HIPK2: variants seen among roughly 807,000 people sequenced by gnomAD.
The protein encoded by HIPK2 is homeodomain interacting protein kinase 2.
HIPK2 carries 27 observed loss-of-function variants against 113.7 expected under a neutral mutation model. The observed-to-expected ratio is 0.24, with a 90% CI of 0.17 to 0.33. The LOEUF (loss-of-function observed/expected upper bound fraction) is 0.33, where lower values mean the gene tolerates loss of function less well. Among genes scored for constraint, HIPK2 ranks in the 10% least tolerant of loss-of-function variants. The pLI is 1.00. For missense variants in HIPK2, 1,257 were observed against 1,588.0 expected (o/e 0.79, Z 3.54); for synonymous variants, 631 against 642.2 (o/e 0.98, Z 0.26).
intron 2 of HIPK2, among the ~76,000 whole-genome samples, chr7:139,700,292 A>G (rs1473210575): frequency 6.6e-6 from 1 of 152,128 alleles, no homozygotes; most frequent in South Asian, 2.1e-4. Context: ...ACAGAGTGGG[A>G]CACAGAGGCT....
intron 2 of HIPK2, among the ~76,000 whole-genome samples, chr7:139,674,983 T>A (rs1186473785): frequency 6.6e-6 from 1 of 152,118 alleles, no homozygotes; most frequent in Non-Finnish European, 1.5e-5. Flanking sequence ...GCCTTTGTCA[T>A]CGTAAGGCTA....
intron 2 of HIPK2, among the ~76,000 whole-genome samples, chr7:139,674,347 G>A (rs1470967717): frequency 6.6e-6 from 1 of 152,122 alleles, no homozygotes; most frequent in Non-Finnish European, 1.5e-5. Context: ...CACACATAAA[G>A]CAATAAGAAA....
intron 5 of HIPK2, among the ~76,000 whole-genome samples, chr7:139,628,011 G>A (rs1420085234): frequency 5.3e-5 from 8 of 152,190 alleles, no homozygotes; most frequent in Non-Finnish European, 2.9e-5. Context: ...CTCGATTAGG[G>A]TGGGCCCAGT....
rs182128787 is a variant in HIPK2 at position 139,741,495 on chromosome 7, C to A, written c.20-24480G>T. On this transcript the variant is annotated intron_variant, in intron 1 of 14. Coordinates refer to ENST00000406875, the MANE Select transcript of HIPK2 (RefSeq NM_022740.5). Reference sequence around the variant, plus strand: ...GAAGATATTGTATTTCAAAAGCAAACTGCTACATATTTAATAAAGAAAGCT... The same window carrying A: ...GAAGATATTGTATTTCAAAAGCAAAATGCTACATATTTAATAAAGAAAGCT... 7.9e-5 allele frequency among the ~76,000 whole-genome samples: 12 copies of A among 152,300 alleles called. No individual in the cohort carries two copies. The East Asian group carries it at 1.2e-3, about 15-fold the overall frequency.
chr7:139,569,545 CAT>C lies in HIPK2; in HGVS notation c.*3380_*3381del, dbSNP rs1235989785. On this transcript the variant is annotated 3_prime_UTR_variant, in exon 15 of 15. Transcript: ENST00000406875. ...TCAGTGACTCGACATTCCCCGAGCC[CAT>C]GAGATGCCACCTGACGTCGCATCCC... The C allele has an allele frequency of 2.0e-5, 3 of 152,284 alleles. No individual in the cohort carries two copies. The allele number at this position is 152,284 out of a possible 1,614,324, so 9.4% of individuals were successfully genotyped here.
intron 1 of HIPK2, among the ~76,000 whole-genome samples, chr7:139,776,338 G>C (rs1055749600): frequency 6.6e-6 from 1 of 151,966 alleles, no homozygotes; most frequent in Non-Finnish European, 1.5e-5. Flanking sequence ...TCGTTATCCA[G>C]GGCCTGACTG....
chr7:139,643,381 TACACACACACAC>T (rs61058916), intron 2 of HIPK2, among the ~76,000 whole-genome samples: 70 of 148,330 alleles, frequency 4.7e-4, no homozygotes, highest in African/African-American at 1.6e-3. Flanking sequence ...ATGTACTAAA[TACACACACACAC>T]ACACACACAC....
chr7:139,693,081 G>GT (rs1197572477), intron 2 of HIPK2, among the ~76,000 whole-genome samples: 3 of 152,198 alleles, frequency 2.0e-5, no homozygotes, highest in Admixed American at 6.5e-5. Flanking sequence ...ACCAACCACT[G>GT]TGAGAAGATG....
In HIPK2 at chr7:139,614,483, G is replaced by A. The variant is rs749142215; in HGVS notation, c.1793C>T (p.Ser598Phe). 14 of 1,420,208 alleles carry A rather than the reference G, an allele frequency of 9.9e-6. No homozygotes were observed. The highest frequency in any genetic ancestry group is 1.5e-5 in the African/African-American group (1 of 68,640). 88.0% of individuals were successfully genotyped at this position (1,420,208 alleles called of 1,614,324 possible). A position where few individuals can be genotyped will look rare whatever the true frequency, so the allele number is the denominator to read the frequency against. The change falls in exon 8 of 15, where the codon TCT becomes TTT. Residue 598 changes from serine to phenylalanine, a missense_variant. Physicochemically the swap from Ser to Phe is radical, Grantham distance 155. Around this residue, in one of 5 missense-constraint regions of HIPK2, gnomAD observed 862 missense variants for 1,004.3 expected, o/e 0.86. Transcript: ENST00000406875. ...GGCTAAGGAAATAGTGGCACTGGTA[G>A]AGGAGGGAGCCTAAAGGAGTGATGG... Reference protein sequence around the residue: ...LTTVHNQAPSSTSATISLANP... With the variant: ...LTTVHNQAPSFTSATISLANP...
intron 2 of HIPK2, among the ~76,000 whole-genome samples, chr7:139,667,013 C>T (rs930976203): frequency 1.3e-5 from 2 of 151,632 alleles, no homozygotes; most frequent in African/African-American, 4.8e-5. Flanking sequence ...TGCAGTGAGC[C>T]GAGATTGCGC....
intron 6 of HIPK2, among the ~76,000 whole-genome samples, chr7:139,620,926 C>T (rs934265978): frequency 2.6e-5 from 4 of 152,162 alleles, no homozygotes; most frequent in Non-Finnish European, 4.4e-5. Flanking sequence ...AATGTATAAG[C>T]TCTCTGAATG....
At chr7:139,667,654 T>C (rs1569469343) in intron 2 of HIPK2, among the ~76,000 whole-genome samples, 1 of 152,198 alleles carries the variant, frequency 6.6e-6, no homozygotes, top group Non-Finnish European at 1.5e-5. Flanking sequence ...CAACAAAGAA[T>C]GAGCTGCTTT....
chr7:139,623,154 C>T (rs901906573), intron 6 of HIPK2, among the ~76,000 whole-genome samples: 2 of 152,128 alleles, frequency 1.3e-5, no homozygotes, highest in African/African-American at 4.8e-5. Flanking sequence ...GCCAAGTCTG[C>T]TTTTCTTCTT....
intron 1 of HIPK2, among the ~76,000 whole-genome samples, chr7:139,757,878 T>C (rs1386625875): frequency 1.3e-5 from 2 of 152,172 alleles, no homozygotes; most frequent in Non-Finnish European, 2.9e-5. Flanking sequence ...CAAAAATACA[T>C]GTGGAAATAA....
intron 2 of HIPK2, among the ~76,000 whole-genome samples, chr7:139,682,227 C>T (rs991274334): frequency 6.6e-6 from 1 of 152,210 alleles, no homozygotes; most frequent in Non-Finnish European, 1.5e-5. Context: ...GTTACCTCTC[C>T]AGCCTCATCA....
intron 1 of HIPK2, among the ~76,000 whole-genome samples, chr7:139,720,487 G>C (rs1795375053): frequency 6.6e-6 from 1 of 152,206 alleles, no homozygotes; most frequent in African/African-American, 2.4e-5. Flanking sequence ...ATTCTGGCTT[G>C]CTTATTCAGA....
intron 2 of HIPK2, among the ~76,000 whole-genome samples, chr7:139,711,843 G>A (rs1043430251): frequency 2.0e-5 from 3 of 152,222 alleles, no homozygotes; most frequent in Admixed American, 6.5e-5. Flanking sequence ...AGTAATACAA[G>A]CAAGGATTAC....
chr7:139,732,809 T>TTA (rs201353799), intron 1 of HIPK2, among the ~76,000 whole-genome samples: 16,246 of 136,154 alleles, frequency 0.12, 903 homozygotes, highest in African/African-American at 0.14. Flanking sequence ...ATATAACATA[T>TTA]TATATATATA....
At chr7:139,721,375 G>C (rs1412864971) in intron 1 of HIPK2, among the ~76,000 whole-genome samples, 1 of 152,138 alleles carries the variant, frequency 6.6e-6, no homozygotes, top group Admixed American at 6.5e-5. Context: ...ATTTCTCCTT[G>C]AGAGTATTTC....
Sources: gnomAD v4.1 joint callset for allele counts (sites outside exome capture counted in the v4.1 genomes callset) on GRCh38, gnomAD v4.1.1 for gene constraint, gnomAD v4.1.1 regional missense constraint, MANE v1.5 for transcripts, NCBI Gene and HGNC (gene_info 2026-07-23, HGNC 2026-07-21) for gene names.